Variants in FAM13A observed in about 807,000 individuals in gnomAD.
The protein encoded by FAM13A is family with sequence similarity 13 member A, also known as protein FAM13A.
In FAM13A, 76 loss-of-function variants were observed where a neutral mutation model predicts 129.6. That is an observed-to-expected ratio of 0.59 (90% confidence interval 0.49 to 0.71). The LOEUF (loss-of-function observed/expected upper bound fraction) is 0.71, where lower values mean the gene tolerates loss of function less well. Among genes scored for constraint, FAM13A ranks in the 30% least tolerant of loss-of-function variants. The pLI is 0.00. For missense variants in FAM13A, 1,108 were observed against 1,249.3 expected, an observed-to-expected ratio of 0.89 and a Z score of 1.70; for synonymous variants, 443 against 449.9, an observed-to-expected ratio of 0.98 and a Z score of 0.20.
At chr4:89,013,570 T>C (rs972274701) in intron 3 of FAM13A, among the ~76,000 whole-genome samples, 1 of 152,116 alleles carries the variant, frequency 6.6e-6, no homozygotes, top group African/African-American at 2.4e-5. Flanking sequence ...AAGATTATAA[T>C]GGAGCTGAAA....
intron 6 of FAM13A, 40 bp from the exon 7 acceptor site, chr4:88,851,223 A>C (rs1280323229): frequency 6.7e-7 from 1 of 1,494,434 alleles, no homozygotes; most frequent in African/African-American, 1.4e-5. Context: ...AGAGCTAGAT[A>C]AATGTTAAAG....
At chr4:88,915,062 C>T (rs1239032842) in intron 5 of FAM13A, among the ~76,000 whole-genome samples, 2 of 152,168 alleles carry the variant, frequency 1.3e-5, no homozygotes, top group Admixed American at 1.3e-4. Context: ...GAGAGCAATA[C>T]TGATATGATT....
At chr4:88,930,071 C>T (rs990040332) in intron 5 of FAM13A, among the ~76,000 whole-genome samples, 1 of 151,988 alleles carries the variant, frequency 6.6e-6, no homozygotes, top group African/African-American at 2.4e-5. Flanking sequence ...TGGTATGTTT[C>T]ACATTCATAT....
Position 88,731,567 on chromosome 4 carries a change from C to T in FAM13A, c.2844-139G>A, listed in dbSNP as rs547667031. On this transcript the variant is annotated intron_variant, in intron 22 of 23. Transcript: ENST00000264344. ...AACTGCTGAGAGCATTGAGGGGGCGCGGAAATGCATGTTTTCCATTTCCTG... is the reference window on the plus strand; with the variant it reads ...AACTGCTGAGAGCATTGAGGGGGCGTGGAAATGCATGTTTTCCATTTCCTG... 3.0e-3 allele frequency: 1,562 copies of T among 520,668 alleles called. 4 individuals are homozygous for T. The highest frequency in any genetic ancestry group is 4.3e-3 in the Non-Finnish European group (1,293 of 298,372). The allele number at this position is 520,668 out of a possible 1,614,324, so 32.3% of individuals were successfully genotyped here.
chr4:89,045,636 A>G (rs1168191839), intron 1 of FAM13A, among the ~76,000 whole-genome samples: 2 of 152,240 alleles, frequency 1.3e-5, no homozygotes, highest in Non-Finnish European at 2.9e-5. Flanking sequence ...TGCACTATGT[A>G]ATAAAAGAAA....
chr4:88,918,930 G>T (rs1222902217), intron 5 of FAM13A, among the ~76,000 whole-genome samples: 1 of 152,120 alleles, frequency 6.6e-6, no homozygotes, highest in East Asian at 1.9e-4. Flanking sequence ...CTCTGATAAG[G>T]CAAACTTTGA....
At chr4:88,942,290 G>T (rs964547365) in intron 4 of FAM13A, among the ~76,000 whole-genome samples, 3 of 152,176 alleles carry the variant, frequency 2.0e-5, no homozygotes, top group Non-Finnish European at 2.9e-5. Flanking sequence ...AAAGAGGCTG[G>T]GTATGGTGGC....
intron 6 of FAM13A, among the ~76,000 whole-genome samples, chr4:88,896,802 C>T (rs1019709589): frequency 2.0e-5 from 3 of 152,158 alleles, no homozygotes; most frequent in Non-Finnish European, 4.4e-5. Flanking sequence ...CCGAAACTAT[C>T]GTGTGCTTAT....
intron 5 of FAM13A, among the ~76,000 whole-genome samples, chr4:88,918,157 G>A (rs1750402894): frequency 6.6e-6 from 1 of 152,116 alleles, no homozygotes; most frequent in African/African-American, 2.4e-5. Context: ...AGTACTTTGA[G>A]TTACACAAAT....
chr4:88,734,222 G>C (rs1738492333), intron 21 of FAM13A, among the ~76,000 whole-genome samples: 1 of 152,122 alleles, frequency 6.6e-6, no homozygotes, highest in Non-Finnish European at 1.5e-5. Context: ...AAACAACCAG[G>C]TAAGCAGACC....
At chr4:88,959,014 T>C (rs1758201494) in intron 4 of FAM13A, among the ~76,000 whole-genome samples, 1 of 152,230 alleles carries the variant, frequency 6.6e-6, no homozygotes, top group African/African-American at 2.4e-5. Flanking sequence ...ATTTCACACT[T>C]GCTTTTGGTT....
intron 13 of FAM13A, among the ~76,000 whole-genome samples, chr4:88,760,222 G>T (rs1744509313): frequency 6.6e-6 from 1 of 152,176 alleles, no homozygotes; most frequent in Non-Finnish European, 1.5e-5. Flanking sequence ...ATATTTCCAT[G>T]AAATGATGCA....
rs528051693 is a variant in FAM13A, at chr4:88,775,321, T to A, written c.1458+5844A>T. Among the ~76,000 whole-genome samples, 24 of 152,158 alleles carry A rather than the reference T, an allele frequency of 1.6e-4. No individual in the cohort carries two copies. The East Asian group carries it at 4.6e-3, about 29-fold the overall frequency. ...ATAGCACAAAAGACCAGTAGAGACA[T>A]TAAGAAAGGTTCTGTAGAGAATGGG... is the stretch of plus-strand genomic sequence containing the variant. On this transcript the variant is annotated intron_variant, in intron 11 of 23. Coordinates refer to ENST00000264344, the MANE Select transcript of FAM13A (RefSeq NM_014883.4).
At chr4:88,733,617 G>A (rs1461060131) in intron 21 of FAM13A, among the ~76,000 whole-genome samples, 2 of 152,114 alleles carry the variant, frequency 1.3e-5, no homozygotes, top group African/African-American at 4.8e-5. Context: ...CCCCTCCCCT[G>A]GATAAGGAAA....
chr4:88,768,526 A>G (rs1455583781), intron 11 of FAM13A: 2 of 154,918 alleles, frequency 1.3e-5, no homozygotes, highest in Non-Finnish European at 2.9e-5. Context: ...TATTCAGTGT[A>G]CATTGATAAG....
chr4:88,998,856 A>G (rs1050709004), intron 3 of FAM13A, among the ~76,000 whole-genome samples: 22 of 152,154 alleles, frequency 1.4e-4, no homozygotes, highest in Non-Finnish European at 2.2e-4. Context: ...TCATTTTCCT[A>G]TGCAAAAGGA....
intron 6 of FAM13A, among the ~76,000 whole-genome samples, chr4:88,886,927 T>G (rs777215594): frequency 1.3e-5 from 2 of 150,430 alleles, no homozygotes; most frequent in African/African-American, 2.4e-5. Flanking sequence ...AAGAAAGAAA[T>G]TATGATATAT....
At chr4:88,883,856 A>G (rs1228856385) in intron 6 of FAM13A, among the ~76,000 whole-genome samples, 1 of 152,082 alleles carries the variant, frequency 6.6e-6, no homozygotes, top group Non-Finnish European at 1.5e-5. Context: ...CAGAAATACA[A>G]AAGATCATTG....
At chr4:88,834,055 ATTTTTT>A (rs922832858) in intron 7 of FAM13A, among the ~76,000 whole-genome samples, 2 of 84,200 alleles carry the variant, frequency 2.4e-5, no homozygotes, top group East Asian at 6.2e-4. Flanking sequence ...AGGCCTGGCT[ATTTTTT>A]TTTTTTTTTT....
Sources: allele counts gnomAD v4.1 joint callset (sites outside exome capture counted in the v4.1 genomes callset), GRCh38; gene constraint gnomAD v4.1.1; transcripts MANE v1.5; gene names NCBI Gene and HGNC (gene_info 2026-07-23, HGNC 2026-07-21).